The following MEGF11 variants were observed in gnomAD, a reference collection of about 807,000 sequenced individuals.
MEGF11 encodes the protein multiple epidermal growth factor-like domains protein 11.
MEGF11 carries 126 observed loss-of-function variants against 146.6 expected under a neutral mutation model. That is an observed-to-expected ratio of 0.86 (90% confidence interval 0.74 to 1.00). The LOEUF (loss-of-function observed/expected upper bound fraction) is 1.00. Among genes scored for constraint, MEGF11 ranks in the 50% least tolerant of loss-of-function variants. The probability of loss-of-function intolerance (pLI) is 0.00; values close to 1 mark genes in which losing one functional copy is unlikely to be tolerated. For missense variants in MEGF11, 1,509 were observed against 1,521.2 expected (o/e 0.99, Z 0.13); for synonymous variants, 532 against 583.4 (o/e 0.91, Z 1.27).
chr15:65,908,397 C>T (rs2078694085), intron 23 of MEGF11, among the ~76,000 whole-genome samples: 2 of 152,190 alleles, frequency 1.3e-5, no homozygotes, highest in African/African-American at 2.4e-5. Flanking sequence ...TCCCATGATA[C>T]CTTCTGTAAC....
intron 10 of MEGF11, among the ~76,000 whole-genome samples, chr15:65,948,730 C>A (rs1174852769): frequency 6.6e-6 from 1 of 152,182 alleles, no homozygotes; most frequent in Admixed American, 6.5e-5. Context: ...CATTAATTAT[C>A]CTGTTTTATT....
At chr15:66,080,538 C>T (rs532056423) in intron 5 of MEGF11, among the ~76,000 whole-genome samples, 1 of 152,310 alleles carries the variant, frequency 6.6e-6, no homozygotes, top group East Asian at 1.9e-4. Context: ...GGAGGCTATG[C>T]TCTCCTCATC....
intron 1 of MEGF11, among the ~76,000 whole-genome samples, chr15:66,158,304 T>C (rs1341890392): frequency 1.3e-5 from 2 of 152,230 alleles, no homozygotes; most frequent in African/African-American, 2.4e-5. Flanking sequence ...GGAAAGCTAA[T>C]GCAATTTGGT....
intron 22 of MEGF11, 106 bp downstream of exon 22, chr15:65,909,634 A>G: frequency 8.8e-7 from 1 of 1,139,862 alleles, no homozygotes; most frequent in Non-Finnish European, 1.2e-6. Context: ...GGGGGAAACC[A>G]TGTTCAGAAC....
intron 5 of MEGF11, among the ~76,000 whole-genome samples, chr15:65,985,929 G>A (rs1056637943): frequency 1.8e-4 from 28 of 151,598 alleles, no homozygotes; most frequent in Middle Eastern, 3.4e-3. Flanking sequence ...GTGTGTATAT[G>A]CACATGTGTA....
chr15:66,249,143 T>C (rs2092336964), intron 1 of MEGF11, among the ~76,000 whole-genome samples: 2 of 152,240 alleles, frequency 1.3e-5, no homozygotes, highest in South Asian at 4.1e-4. Context: ...TCAAAACATT[T>C]TGAGATGCTC....
At chr15:66,181,436 A>G (rs1230054678) in intron 1 of MEGF11, among the ~76,000 whole-genome samples, 1 of 152,164 alleles carries the variant, frequency 6.6e-6, no homozygotes, top group African/African-American at 2.4e-5. Flanking sequence ...ATGCACACAC[A>G]TTCACACTTT....
At chr15:66,085,531 G>A (rs186131263) in intron 5 of MEGF11, among the ~76,000 whole-genome samples, 10 of 152,202 alleles carry the variant, frequency 6.6e-5, no homozygotes, top group South Asian at 2.1e-4. Context: ...GTACCAACCC[G>A]GAGCTGGGTA....
chr15:65,906,167 A>G, intron 23 of MEGF11, 26 bp from the exon 24 acceptor site: 1 of 1,578,862 alleles, frequency 6.3e-7, no homozygotes. Flanking sequence ...ATGTAAGGAA[A>G]GAAAATATGG....
intron 1 of MEGF11, among the ~76,000 whole-genome samples, chr15:66,157,221 C>A (rs561447647): frequency 2.0e-5 from 3 of 152,224 alleles, no homozygotes; most frequent in Non-Finnish European, 4.4e-5. Flanking sequence ...AGTGACATCT[C>A]CACGGGCAAA....
intron 10 of MEGF11, among the ~76,000 whole-genome samples, chr15:65,931,905 CA>C (rs2079591086): frequency 6.6e-6 from 1 of 152,230 alleles, no homozygotes; most frequent in African/African-American, 2.4e-5. Context: ...CAGATAACTG[CA>C]TGGAGAAGTT....
chr15:66,160,352 G>A (rs1304457629), intron 1 of MEGF11, among the ~76,000 whole-genome samples: 1 of 151,380 alleles, frequency 6.6e-6, no homozygotes, highest in Non-Finnish European at 1.5e-5. Flanking sequence ...GAGGTAACAA[G>A]CCAACAGGCA....
intron 1 of MEGF11, among the ~76,000 whole-genome samples, chr15:66,173,105 G>T (rs114724924): frequency 0.028 from 4,231 of 152,180 alleles, 183 homozygotes; most frequent in African/African-American, 0.096. Context: ...GGGGACATCC[G>T]TCTTTCAGTG....
At chr15:66,235,892 A>T (rs1191498658) in intron 1 of MEGF11, among the ~76,000 whole-genome samples, 1 of 152,152 alleles carries the variant, frequency 6.6e-6, no homozygotes, top group Non-Finnish European at 1.5e-5. Flanking sequence ...ACAAATCTTT[A>T]ACCCTACTAC....
At chr15:66,019,415 C>T (rs1225727838) in intron 5 of MEGF11, among the ~76,000 whole-genome samples, 1 of 152,196 alleles carries the variant, frequency 6.6e-6, no homozygotes, top group Non-Finnish European at 1.5e-5. Flanking sequence ...ATTTTTATTC[C>T]AATAAAACTT....
rs2090040723 is a variant in MEGF11, at chr15:66,164,370, C to T, written c.-8-35959G>A. Among the ~76,000 whole-genome samples the T allele has an allele frequency of 2.0e-5, 3 of 152,164 alleles. No individual in the cohort carries two copies. In the South Asian group the frequency reaches 6.2e-4, roughly 32 times the overall value. On this transcript the variant is annotated intron_variant, in intron 1 of 25. Coordinates refer to ENST00000395614, the MANE Select transcript of MEGF11 (RefSeq NM_001385028.1). ...AACCTGGATCGCTGCACGTGAGGGG[C>T]CTGCTGGATCTACATCACAGGTCTT...
chr15:65,965,821 A>G (rs772501496), intron 8 of MEGF11, among the ~76,000 whole-genome samples: 10 of 151,874 alleles, frequency 6.6e-5, no homozygotes, highest in Middle Eastern at 3.4e-3. Context: ...TAGCAGCATG[A>G]GCAGACTAAG....
At chr15:65,909,578 G>A (rs116251249) in intron 22 of MEGF11, among the ~76,000 whole-genome samples, 162 bp downstream of exon 22, 89 of 152,248 alleles carry the variant, frequency 5.8e-4, no homozygotes, top group African/African-American at 2.0e-3. Context: ...GTAATGGAAA[G>A]GGATTCTTGG....
chr15:66,147,755 C>A (rs921538890), intron 1 of MEGF11, among the ~76,000 whole-genome samples: 2 of 150,056 alleles, frequency 1.3e-5, no homozygotes, highest in South Asian at 2.1e-4. Flanking sequence ...AGCCCCAGAA[C>A]ACAACACACC....
Sources: allele counts gnomAD v4.1 joint callset (sites outside exome capture counted in the v4.1 genomes callset), GRCh38; gene constraint gnomAD v4.1.1; transcripts MANE v1.5; gene names NCBI Gene and HGNC (gene_info 2026-07-23, HGNC 2026-07-21).